RBMS3: variants seen among roughly 807,000 people sequenced by gnomAD.
RBMS3 encodes the protein RNA-binding motif, single-stranded-interacting protein 3.
RBMS3 carries 27 observed loss-of-function variants against 66.8 expected under a neutral mutation model. The observed-to-expected ratio is 0.40, with a 90% CI of 0.30 to 0.56. The LOEUF (loss-of-function observed/expected upper bound fraction) is 0.56, where lower values mean the gene tolerates loss of function less well. Ranked by LOEUF, RBMS3 falls within the 20% of genes least tolerant of loss-of-function variation. RBMS3 has a pLI of 0.40. For missense variants in RBMS3, 513 were observed against 549.5 expected (o/e 0.93, Z 0.66); for synonymous variants, 188 against 183.0 (o/e 1.03, Z -0.22).
intron 6 of RBMS3, among the ~76,000 whole-genome samples, chr3:29,787,183 T>A (rs549984053): frequency 3.3e-5 from 5 of 149,946 alleles, no homozygotes; most frequent in African/African-American, 1.2e-4. Flanking sequence ...AAAAAAAAAA[T>A]AGATGTTGGT....
intron 4 of RBMS3, among the ~76,000 whole-genome samples, chr3:29,601,337 A>G (rs2048136266): frequency 6.6e-6 from 1 of 151,990 alleles, no homozygotes; most frequent in Non-Finnish European, 1.5e-5. Context: ...AAAAGTGTAT[A>G]TGTCATCTTC....
At chr3:29,382,883 C>T (rs1294812783) in intron 1 of RBMS3, among the ~76,000 whole-genome samples, 1 of 152,104 alleles carries the variant, frequency 6.6e-6, no homozygotes, top group Non-Finnish European at 1.5e-5. Flanking sequence ...AAATTAACAA[C>T]ATCTGGGTTG....
chr3:29,990,171 A>C (rs1328961250), intron 13 of RBMS3, among the ~76,000 whole-genome samples: 2 of 149,394 alleles, frequency 1.3e-5, no homozygotes, highest in African/African-American at 4.8e-5. Context: ...AAAATAAATA[A>C]TACCAAATAG....
chr3:29,592,963 A>T (rs2047804925), intron 4 of RBMS3, among the ~76,000 whole-genome samples: 2 of 138,832 alleles, frequency 1.4e-5, no homozygotes. Context: ...AACAATGAGA[A>T]CACTTGGACA....
intron 7 of RBMS3, among the ~76,000 whole-genome samples, chr3:29,877,748 T>C (rs1031844734): frequency 1.3e-5 from 2 of 152,152 alleles, no homozygotes; most frequent in African/African-American, 2.4e-5. Context: ...GCCGGAGTTG[T>C]TCCCCGGTAA....
chr3:29,971,797 A>G lies in RBMS3; in HGVS notation c.1099-16346A>G, dbSNP rs147524737. ...CATAAGAGGTAGTTACCATTTCCCA[A>G]TGGGGGACTGAAGCAAGGCAACATA... is the stretch of plus-strand genomic sequence containing the variant. On this transcript the variant is annotated intron_variant, in intron 12 of 14. Coordinates refer to ENST00000383767, the MANE Select transcript of RBMS3 (RefSeq NM_001003793.3). 4.4e-3 allele frequency among the ~76,000 whole-genome samples: 677 copies of G among 152,188 alleles called. 6 individuals carry two copies. The highest frequency in any genetic ancestry group is 0.044 in the Middle Eastern group (13 of 294).
chr3:29,765,704 T>C (rs2055892530), intron 6 of RBMS3: 1 of 151,972 alleles, frequency 6.6e-6, no homozygotes, highest in Admixed American at 6.6e-5. Context: ...AAAGATTGAA[T>C]ATGATGTCAA....
intron 4 of RBMS3, chr3:29,698,264 G>A (rs2052371915): frequency 1.0e-6 from 1 of 985,270 alleles, no homozygotes; most frequent in African/African-American, 1.7e-5. Context: ...CACAGCAAAT[G>A]CAGCCATGGC....
At chr3:29,472,978 C>A (rs1452347975) in intron 2 of RBMS3, among the ~76,000 whole-genome samples, 1 of 72,954 alleles carries the variant, frequency 1.4e-5, no homozygotes, top group East Asian at 4.9e-4. Flanking sequence ...GGTGTGTTTA[C>A]AATCCCTGAG....
intron 4 of RBMS3, among the ~76,000 whole-genome samples, chr3:29,612,413 G>C (rs943338146): frequency 2.6e-5 from 4 of 151,916 alleles, no homozygotes; most frequent in African/African-American, 9.7e-5. Context: ...CTGTATTAAT[G>C]AATATCAATT....
chr3:29,590,402 T>C (rs1469474897), intron 4 of RBMS3, among the ~76,000 whole-genome samples: 1 of 152,148 alleles, frequency 6.6e-6, no homozygotes, highest in Non-Finnish European at 1.5e-5. Flanking sequence ...ATACATTTAA[T>C]TCAAATTTGC....
At position 29,398,624 on chromosome 3, in the gene RBMS3, C is replaced by T. The variant is rs142755498; in HGVS notation, c.76-36119C>T. On this transcript the variant is annotated intron_variant, in intron 1 of 14. Coordinates refer to ENST00000383767, the MANE Select transcript of RBMS3 (RefSeq NM_001003793.3). The stretch of plus-strand genomic sequence containing the variant: ...CTTTGGCAGAGTTCCAGCTAGAACA[C>T]GTGGTCATTGACCACCATAACTGTT... Among the ~76,000 whole-genome samples the T allele has an allele frequency of 7.9e-5, 12 of 152,256 alleles. No homozygotes were observed. In the East Asian group the frequency reaches 1.7e-3, roughly 22 times the overall value.
At chr3:29,354,375 G>C (rs1191946364) in intron 1 of RBMS3, among the ~76,000 whole-genome samples, 1 of 152,054 alleles carries the variant, frequency 6.6e-6, no homozygotes, top group Non-Finnish European at 1.5e-5. Context: ...AATTAACTCT[G>C]AAGCAAACTG....
intron 6 of RBMS3, among the ~76,000 whole-genome samples, chr3:29,850,941 G>A (rs143175377): frequency 1.3e-5 from 2 of 152,256 alleles, no homozygotes; most frequent in East Asian, 3.9e-4. Context: ...TTTCCAAAGA[G>A]CTGAGTACAC....
intron 6 of RBMS3, among the ~76,000 whole-genome samples, chr3:29,803,515 T>A (rs781232663): frequency 1.3e-5 from 2 of 152,258 alleles, no homozygotes; most frequent in Non-Finnish European, 2.9e-5. Context: ...TTCATTGGAA[T>A]ATCTATCACC....
At chr3:29,332,777 A>G (rs1047591378) in intron 1 of RBMS3, among the ~76,000 whole-genome samples, 1 of 152,176 alleles carries the variant, frequency 6.6e-6, no homozygotes, top group African/African-American at 2.4e-5. Context: ...ACAAGAAGCT[A>G]TTTTTCAGAA....
chr3:29,436,341 A>G (rs1368400265), intron 2 of RBMS3, among the ~76,000 whole-genome samples: 1 of 152,214 alleles, frequency 6.6e-6, no homozygotes, highest in Admixed American at 6.5e-5. Flanking sequence ...CAGTAGGTAC[A>G]TTAGGGTTGG....
intron 1 of RBMS3, among the ~76,000 whole-genome samples, chr3:29,299,399 T>C (rs1340777868): frequency 6.6e-6 from 1 of 151,892 alleles, no homozygotes; most frequent in African/African-American, 2.4e-5. Flanking sequence ...AGTGGTTTTG[T>C]AAGTTTCATT....
intron 2 of RBMS3, among the ~76,000 whole-genome samples, chr3:29,465,438 A>AATATGTTCCTCCAGAGTC: frequency 6.6e-6 from 1 of 151,664 alleles, no homozygotes; most frequent in South Asian, 2.1e-4. Flanking sequence ...CCTCCAGAGT[A>AATATGTTCCTCCAGAGTC]ATATGTTCCT....
Sources: allele counts gnomAD v4.1 joint callset (sites outside exome capture counted in the v4.1 genomes callset), GRCh38; gene constraint gnomAD v4.1.1; transcripts MANE v1.5; gene names NCBI Gene and HGNC (gene_info 2026-07-23, HGNC 2026-07-21).